Variants in MYBPC2 observed in about 807,000 individuals in gnomAD.
The protein encoded by MYBPC2 is myosin binding protein C2.
In MYBPC2, 122 loss-of-function variants were observed where a neutral mutation model predicts 137.0. The observed-to-expected ratio is 0.89, with a 90% CI of 0.77 to 1.03. The LOEUF is 1.03. Ranked by LOEUF, MYBPC2 falls within the 50% of genes least tolerant of loss-of-function variation. The pLI is 0.00. For missense variants in MYBPC2, 1,500 were observed against 1,534.4 expected, an observed-to-expected ratio of 0.98 and a Z score of 0.37; for synonymous variants, 626 against 612.3, an observed-to-expected ratio of 1.02 and a Z score of -0.33.
chr19:50,447,003 A>T (rs1204091124), intron 12 of MYBPC2, among the ~76,000 whole-genome samples: 1 of 151,052 alleles, frequency 6.6e-6, no homozygotes, highest in Non-Finnish European at 1.5e-5. Flanking sequence ...AAAAAAAAAA[A>T]AATCTGAAAC....
chr19:50,451,180 G>A, intron 14 of MYBPC2, 100 bp from the exon 15 acceptor site: 1 of 1,451,710 alleles, frequency 6.9e-7, no homozygotes, highest in South Asian at 1.2e-5. Flanking sequence ...AGTTCCCAGG[G>A]AGACTGCCAG....
rs200760445 is a variant in MYBPC2, at chr19:50,466,208, C to T, written c.*3C>T. 8.4e-4 allele frequency: 1,359 copies of T among 1,613,956 alleles called. 10 individuals are homozygous for T. In the African/African-American group the frequency reaches 0.016, roughly 19 times the overall value. ...GTTTTCCTGCAGTGCCGCAGTGAGACCTGTCCCCTACCTGCCAAGACAATT... is the reference window on the plus strand; with the variant it reads ...GTTTTCCTGCAGTGCCGCAGTGAGATCTGTCCCCTACCTGCCAAGACAATT... On this transcript the variant is annotated 3_prime_UTR_variant, in exon 28 of 28. Coordinates refer to ENST00000357701, the MANE Select transcript of MYBPC2 (RefSeq NM_004533.4). The surrounding 1 kb of genome is among the most constrained non-coding windows in gnomAD (Gnocchi z 4.9).
In MYBPC2 at chr19:50,447,477, C is replaced by T. The variant is rs2039816321; in HGVS notation, c.1307-748C>T. Among the ~76,000 whole-genome samples the T allele has an allele frequency of 3.3e-5, 5 of 152,242 alleles. No individual in the cohort carries two copies. The South Asian group carries it at 1.0e-3, about 32-fold the overall frequency. ...GGCATGGTGGCTCAGCCCTGCCATT[C>T]CAACTCTTTGTGAGGCCGAGGTGGG... On this transcript the variant is annotated intron_variant, in intron 12 of 27. Transcript: ENST00000357701.
intron 7 of MYBPC2, among the ~76,000 whole-genome samples, chr19:50,439,054 C>A (rs1418272470): frequency 6.6e-6 from 1 of 152,022 alleles, no homozygotes; most frequent in African/African-American, 2.4e-5. Context: ...CACCCAACTG[C>A]GCAGTCATTT....
In MYBPC2 at chr19:50,451,939, T is replaced by A; in HGVS notation, c.1685T>A (p.Leu562Gln). 2 of 1,567,898 alleles carry A rather than the reference T, an allele frequency of 1.3e-6. No individual in the cohort carries two copies. Among genetic ancestry groups the A allele is most frequent in the Non-Finnish European group, 1.7e-6 (2 of 1,155,950 alleles). ...ATTGTGGTTGTGGCTGGAAACAAGCTGAGGCTTGACGTGTCCATCACAGGG... is the reference window on the plus strand; with the variant it reads ...ATTGTGGTTGTGGCTGGAAACAAGCAGAGGCTTGACGTGTCCATCACAGGG... Reference protein sequence around the residue: ...NAIVVVAGNKLRLDVSITGEP... With the variant: ...NAIVVVAGNKQRLDVSITGEP... The change falls in exon 16 of 28, where the codon CTG becomes CAG. Residue 562 changes from leucine to glutamine, a missense_variant. Physicochemically the swap from Leu to Gln is moderately radical, Grantham distance 113. Coordinates refer to ENST00000357701, the MANE Select transcript of MYBPC2 (RefSeq NM_004533.4).
intron 27 of MYBPC2, 53 bp downstream of exon 27, chr19:50,464,585 C>T (rs1227147396): frequency 7.2e-6 from 11 of 1,525,078 alleles, no homozygotes; most frequent in Non-Finnish European, 9.6e-6. Flanking sequence ...GGCCCTGTGC[C>T]AGCCTGGCCG....
At chr19:50,441,120 C>A (rs2122584425) in intron 8 of MYBPC2, 44 bp downstream of exon 8, 1 of 1,503,404 alleles carries the variant, frequency 6.7e-7, no homozygotes, top group Non-Finnish European at 8.9e-7. Flanking sequence ...ACACAAGGGA[C>A]CCCTAGCCTT....
Position 50,435,765 on chromosome 19 carries a change from C to T in MYBPC2, c.110-11C>T, listed in dbSNP as rs755318794. The T allele has an allele frequency of 1.0e-5, 16 of 1,603,452 alleles. 1 individual carries two copies. In the South Asian group the frequency reaches 1.4e-4, roughly 14 times the overall value. Reference sequence around the variant, plus strand: ...TCAGACCTCCTCATCCTAATCCTGTCCCCTGAACAGAAGCCCCACCCGAGG... The same window carrying T: ...TCAGACCTCCTCATCCTAATCCTGTTCCCTGAACAGAAGCCCCACCCGAGG... On this transcript the variant is annotated splice_polypyrimidine_tract_variant and intron_variant, in intron 2 of 27. Transcript: ENST00000357701. The surrounding 1 kb of genome is among the most constrained non-coding windows in gnomAD (Gnocchi z 4.8).
intron 13 of MYBPC2, among the ~76,000 whole-genome samples, chr19:50,449,661 G>A (rs1441109349): frequency 6.6e-6 from 1 of 152,212 alleles, no homozygotes; most frequent in African/African-American, 2.4e-5. Flanking sequence ...ATGGGCTCCA[G>A]CTCAGAAAAC....
intron 26 of MYBPC2, among the ~76,000 whole-genome samples, chr19:50,463,378 T>C (rs1053035070): frequency 6.6e-6 from 1 of 152,204 alleles, no homozygotes; most frequent in South Asian, 2.1e-4. Flanking sequence ...TCCATCTCTG[T>C]ATACTGTATT....
At chr19:50,436,484 C>T (rs1048899316) in intron 4 of MYBPC2, 133 bp from the exon 5 acceptor site, 2 of 833,410 alleles carry the variant, frequency 2.4e-6, no homozygotes, top group Admixed American at 5.2e-5. Context: ...GCTGAGACCC[C>T]TCTCGGTCTC....
At chr19:50,437,179 G>A (rs771181966) in intron 5 of MYBPC2, among the ~76,000 whole-genome samples, 1 of 152,040 alleles carries the variant, frequency 6.6e-6, no homozygotes, top group Non-Finnish European at 1.5e-5. Flanking sequence ...ATGTGTGAGG[G>A]CTTAAATGTG....
intron 24 of MYBPC2, among the ~76,000 whole-genome samples, chr19:50,460,462 ACCCAGTCCATTTTCATCC>A (rs889390964): frequency 1.3e-5 from 2 of 152,072 alleles, no homozygotes; most frequent in Non-Finnish European, 2.9e-5. Flanking sequence ...CACCGCCTCT[ACCCAGTCCATTTTCATCC>A]CCCAGAGGAA....
intron 8 of MYBPC2, 102 bp from the exon 9 acceptor site, chr19:50,442,079 T>G: frequency 7.1e-7 from 1 of 1,410,676 alleles, no homozygotes; most frequent in Non-Finnish European, 9.5e-7. Flanking sequence ...ACTTTGACCT[T>G]GGAGAGCCCA....
At chr19:50,451,655 G>A (rs1227989749) in intron 15 of MYBPC2, among the ~76,000 whole-genome samples, 2 of 150,432 alleles carry the variant, frequency 1.3e-5, no homozygotes, top group African/African-American at 2.4e-5. Flanking sequence ...TGGGTATGAG[G>A]GAGGAGGGGC....
At chr19:50,448,471 T>A in intron 13 of MYBPC2, 81 bp downstream of exon 13, 1 of 1,510,432 alleles carries the variant, frequency 6.6e-7, no homozygotes, top group South Asian at 1.3e-5. Context: ...CTGTCCCCCA[T>A]TTATTTTTTT....
At position 50,451,194 on chromosome 19, in the gene MYBPC2, C is replaced by G. The variant is rs2039853761; in HGVS notation, c.1580-86C>G. On this transcript the variant is annotated intron_variant, in intron 14 of 27. Transcript: ENST00000357701. Reference sequence around the variant, plus strand: ...CAGTTCCCAGGGAGACTGCCAGACCCTGTCACCTCTTCCTCTGGGCTGTGA... The same window carrying G: ...CAGTTCCCAGGGAGACTGCCAGACCGTGTCACCTCTTCCTCTGGGCTGTGA... 4 of 1,515,054 alleles carry G rather than the reference C, an allele frequency of 2.6e-6. No homozygotes were observed. In the South Asian group the frequency reaches 4.5e-5, roughly 17 times the overall value. The allele number at this position is 1,515,054 out of a possible 1,614,324, so 93.9% of individuals were successfully genotyped here. A position where few individuals can be genotyped will look rare whatever the true frequency, so the allele number is the denominator to read the frequency against.
chr19:50,439,209 A>G (rs1337185108), intron 7 of MYBPC2, among the ~76,000 whole-genome samples: 3 of 100,230 alleles, frequency 3.0e-5, no homozygotes, highest in African/African-American at 1.2e-4. Flanking sequence ...CCATCCACCC[A>G]CCCACCTGTC....
At chr19:50,433,010 T>A in intron 1 of MYBPC2, 38 bp downstream of exon 1, 1 of 1,558,112 alleles carries the variant, frequency 6.4e-7, no homozygotes, top group Non-Finnish European at 8.6e-7. Context: ...GGGATGGGGC[T>A]CTTCTTTTCT....
Sources: gnomAD v4.1 joint callset for allele counts (sites outside exome capture counted in the v4.1 genomes callset) on GRCh38, gnomAD v4.1.1 for gene constraint, Gnocchi (gnomAD v3.1) non-coding constraint, MANE v1.5 for transcripts, NCBI Gene and HGNC (gene_info 2026-07-23, HGNC 2026-07-21) for gene names.